Variants in SGCG observed in about 807,000 individuals in gnomAD.
SGCG encodes the protein sarcoglycan gamma, also known as gamma-sarcoglycan.
A neutral mutation model predicts 29.3 loss-of-function variants in SGCG; 26 were observed. The ratio of observed to expected loss-of-function variants is 0.89; its 90% CI spans 0.65 to 1.23. The LOEUF is 1.23. SGCG is among the 50% of genes most tolerant of loss of function. The probability of loss-of-function intolerance (pLI) is 0.00; values close to 1 mark genes in which losing one functional copy is unlikely to be tolerated. For missense variants in SGCG, 353 were observed against 356.0 expected, an observed-to-expected ratio of 0.99 and a Z score of 0.07; for synonymous variants, 145 against 129.7, an observed-to-expected ratio of 1.12 and a Z score of -0.80.
chr13:23,179,174 T>C (rs1876652125), upstream of SGCG, among the ~76,000 whole-genome samples: 2 of 152,222 alleles, frequency 1.3e-5, no homozygotes, highest in Admixed American at 1.3e-4. Context: ...ATGATTCCTT[T>C]GAGAACATTT....
At chr13:23,241,534 CAA>C (rs1657566459) in intron 3 of SGCG, among the ~76,000 whole-genome samples, 1 of 152,134 alleles carries the variant, frequency 6.6e-6, no homozygotes. Context: ...TGAATTCTAC[CAA>C]ACATTTAAAG....
intron 4 of SGCG, among the ~76,000 whole-genome samples, chr13:23,274,758 G>C (rs9510656): frequency 1.3e-5 from 2 of 152,012 alleles, no homozygotes; most frequent in Non-Finnish European, 2.9e-5. Flanking sequence ...CTATTCCTTA[G>C]AGTATGGGGA....
chr13:23,294,407 T>A (rs569121264), intron 5 of SGCG, among the ~76,000 whole-genome samples: 16 of 152,360 alleles, frequency 1.1e-4, no homozygotes, highest in Admixed American at 1.0e-3. Flanking sequence ...TGTTTATTCC[T>A]GGACACTCAG....
chr13:23,256,756 A>G (rs1880197154), intron 4 of SGCG, among the ~76,000 whole-genome samples: 1 of 152,038 alleles, frequency 6.6e-6, no homozygotes, highest in African/African-American at 2.4e-5. Flanking sequence ...TATGTGCCAC[A>G]TTTTCTTAAT....
intron 5 of SGCG, among the ~76,000 whole-genome samples, chr13:23,289,776 GA>G: frequency 6.6e-6 from 1 of 152,288 alleles, no homozygotes; most frequent in Middle Eastern, 3.4e-3. Flanking sequence ...ATTATGCAGG[GA>G]TTTGCTGGCC....
intron 3 of SGCG, 98 bp downstream of exon 3, chr13:23,234,810 C>T (rs1879248318): frequency 1.2e-6 from 1 of 821,634 alleles, no homozygotes; most frequent in Middle Eastern, 2.4e-4. Flanking sequence ...TTTTAAAGCG[C>T]ATACATGTGC....
the SGCG span, among the ~76,000 whole-genome samples, chr13:23,174,804 C>T: frequency 6.6e-6 from 1 of 152,140 alleles, no homozygotes; most frequent in Non-Finnish European, 1.5e-5. Flanking sequence ...AAAATGTGAA[C>T]ACCGTTTGTT....
intron 4 of SGCG, among the ~76,000 whole-genome samples, chr13:23,251,787 A>T (rs1879979603): frequency 6.6e-6 from 1 of 152,156 alleles, no homozygotes; most frequent in Non-Finnish European, 1.5e-5. Flanking sequence ...TATACTATTA[A>T]CATTGGATAG....
In SGCG at chr13:23,262,033, A is replaced by G. The variant is rs115984359; in HGVS notation, c.385+11316A>G. Among the ~76,000 whole-genome samples, 795 of 152,196 alleles carry G rather than the reference A, an allele frequency of 5.2e-3. 6 individuals are homozygous for G. The highest frequency in any genetic ancestry group is 0.018 in the African/African-American group (750 of 41,572). ...ATTCTAAATGTTGAACAAAAGGTCA[A>G]TACACACCAGAATAGAAACTCCTGA... On this transcript the variant is annotated intron_variant, in intron 4 of 7. Transcript: ENST00000218867.
intron 2 of SGCG, among the ~76,000 whole-genome samples, chr13:23,230,036 G>T (rs1879047705): frequency 6.6e-6 from 1 of 152,094 alleles, no homozygotes; most frequent in Non-Finnish European, 1.5e-5. Flanking sequence ...TTATTGAATA[G>T]GCAGTTATTT....
intron 1 of SGCG, among the ~76,000 whole-genome samples, chr13:23,188,480 ATTTTTTT>A (rs71218545): frequency 1.7e-5 from 2 of 120,486 alleles, no homozygotes; most frequent in Admixed American, 8.4e-5. Context: ...CGCCTGCCTA[ATTTTTTT>A]TTTTTTTTTT....
intron 2 of SGCG, among the ~76,000 whole-genome samples, chr13:23,225,469 T>C (rs931342321): frequency 6.6e-6 from 1 of 152,148 alleles, no homozygotes; most frequent in Non-Finnish European, 1.5e-5. Flanking sequence ...ACTCATAATT[T>C]CCAATTTTAT....
At chr13:23,234,074 A>G (rs1271922368) in intron 2 of SGCG, among the ~76,000 whole-genome samples, 1 of 152,230 alleles carries the variant, frequency 6.6e-6, no homozygotes, top group East Asian at 1.9e-4. Flanking sequence ...TCATGACTGT[A>G]AACTCCTTGA....
chr13:23,220,307 C>T (rs1352864121), intron 2 of SGCG, among the ~76,000 whole-genome samples: 4 of 152,052 alleles, frequency 2.6e-5, no homozygotes, highest in Non-Finnish European at 5.9e-5. Flanking sequence ...CAGAATTAGC[C>T]GGGCGTGTGG....
intron 3 of SGCG, among the ~76,000 whole-genome samples, chr13:23,240,826 C>T (rs904627639): frequency 6.6e-5 from 10 of 152,030 alleles, no homozygotes; most frequent in African/African-American, 1.9e-4. Flanking sequence ...AGTGCTTAGA[C>T]GGAAATTTAT....
At chr13:23,294,661 C>T (rs543948360) in intron 5 of SGCG, among the ~76,000 whole-genome samples, 1 of 152,282 alleles carries the variant, frequency 6.6e-6, no homozygotes, top group South Asian at 2.1e-4. Context: ...ATGAAAACCC[C>T]TATAGCATAT....
At chr13:23,275,128 T>TATATATAC in intron 4 of SGCG, among the ~76,000 whole-genome samples, 1 of 147,336 alleles carries the variant, frequency 6.8e-6, no homozygotes, top group South Asian at 2.2e-4. Context: ...GGAATATATA[T>TATATATAC]ATATATATAT....
At chr13:23,220,613 A>G (rs1488156257) in intron 2 of SGCG, among the ~76,000 whole-genome samples, 1 of 152,180 alleles carries the variant, frequency 6.6e-6, no homozygotes, top group East Asian at 1.9e-4. Flanking sequence ...CAATAAATAA[A>G]TTGACAAATT....
intron 1 of SGCG, among the ~76,000 whole-genome samples, chr13:23,198,388 C>T (rs17371438): frequency 0.086 from 13,084 of 152,090 alleles, 686 homozygotes; most frequent in Middle Eastern, 0.16. Flanking sequence ...GATTATCTGT[C>T]CTTAAGGTCA....
Sources: gnomAD v4.1 joint callset for allele counts (sites outside exome capture counted in the v4.1 genomes callset) on GRCh38, gnomAD v4.1.1 for gene constraint, MANE v1.5 for transcripts, NCBI Gene and HGNC (gene_info 2026-07-23, HGNC 2026-07-21) for gene names.